Variants in LRRC7 observed in about 807,000 individuals in gnomAD.
LRRC7 encodes the protein leucine-rich repeat-containing protein 7.
LRRC7 carries 23 observed loss-of-function variants against 175.7 expected under a neutral mutation model. That is an observed-to-expected ratio of 0.13 (90% confidence interval 0.09 to 0.19). LRRC7 has a LOEUF of 0.19. Among genes scored for constraint, LRRC7 ranks in the 10% least tolerant of loss-of-function variants. The pLI is 1.00. For missense variants in LRRC7, 1,354 were observed against 1,904.7 expected, an observed-to-expected ratio of 0.71 and a Z score of 5.38; for synonymous variants, 685 against 680.9, an observed-to-expected ratio of 1.01 and a Z score of -0.09.
rs1557463083 is a variant in LRRC7 at position 69,600,796 on chromosome 1, G to GTTCTTTTTTT, written c.2+32157_2+32158insCTTTTTTTTT. ...TTAGCCATTTCTCCAAGGATCTCTG[G>GTTCTTTTTTT]TTTCTTTTTTTTTTTTTTTTTTTTT... is the stretch of plus-strand genomic sequence containing the variant. On this transcript the variant is annotated intron_variant, in intron 1 of 26. Coordinates refer to ENST00000651989, the MANE Select transcript of LRRC7 (RefSeq NM_001370785.2). Among the ~76,000 whole-genome samples, 4 of 26,360 alleles carry GTTCTTTTTTT rather than the reference G, an allele frequency of 1.5e-4. 1 individual carries two copies. The highest frequency in any genetic ancestry group is 1.8e-4 in the African/African-American group (1 of 5,462). 17.3% of individuals were successfully genotyped at this position (26,360 alleles called of 152,430 possible).
intron 11 of LRRC7, among the ~76,000 whole-genome samples, chr1:70,010,284 G>A (rs1656383413): frequency 6.6e-6 from 1 of 152,220 alleles, no homozygotes; most frequent in Admixed American, 6.5e-5. Flanking sequence ...AAAGGATGCT[G>A]ACCAGGCACA....
intron 5 of LRRC7, among the ~76,000 whole-genome samples, chr1:69,826,613 T>C (rs1227750810): frequency 6.6e-6 from 1 of 152,070 alleles, no homozygotes; most frequent in African/African-American, 2.4e-5. Context: ...GAGGTTGAAA[T>C]AAGTCAGTTG....
At chr1:69,828,066 A>G (rs1473889320) in intron 5 of LRRC7, among the ~76,000 whole-genome samples, 2 of 152,054 alleles carry the variant, frequency 1.3e-5, no homozygotes, top group African/African-American at 4.8e-5. Flanking sequence ...ACTTAACATA[A>G]TGATTTTGAA....
At chr1:69,660,860 C>G (rs775470411) in intron 1 of LRRC7, among the ~76,000 whole-genome samples, 2 of 151,904 alleles carry the variant, frequency 1.3e-5, no homozygotes, top group Non-Finnish European at 2.9e-5. Flanking sequence ...TTAAAAGGAC[C>G]CTCTGGATGT....
chr1:69,964,011 C>T (rs1414305247), intron 8 of LRRC7, among the ~76,000 whole-genome samples: 2 of 152,124 alleles, frequency 1.3e-5, no homozygotes, highest in East Asian at 3.9e-4. Context: ...CTAAGGCCTC[C>T]TGCTTAGGTA....
At chr1:69,883,063 A>G (rs367831734) in intron 7 of LRRC7, among the ~76,000 whole-genome samples, 3 of 152,092 alleles carry the variant, frequency 2.0e-5, no homozygotes, top group Middle Eastern at 3.4e-3. Context: ...GAATAATGCC[A>G]CAATAAACAT....
chr1:69,833,287 T>A (rs563906516), intron 5 of LRRC7, among the ~76,000 whole-genome samples: 1 of 152,268 alleles, frequency 6.6e-6, no homozygotes, highest in Non-Finnish European at 1.5e-5. Context: ...TTGATTTATA[T>A]AATGTTCAAA....
intron 11 of LRRC7, among the ~76,000 whole-genome samples, chr1:70,006,660 A>T (rs1656021370): frequency 6.6e-6 from 1 of 152,016 alleles, no homozygotes; most frequent in South Asian, 2.1e-4. Flanking sequence ...ACCTACCTGA[A>T]GTTAGAATCA....
Position 69,838,370 on chromosome 1 carries a change from G to C in LRRC7, c.647+87G>C, listed in dbSNP as rs886326483. 28 of 1,095,134 alleles carry C rather than the reference G, an allele frequency of 2.6e-5. No individual in the cohort carries two copies. The African/African-American group carries it at 3.4e-4, about 13-fold the overall frequency. 67.8% of individuals were successfully genotyped at this position (1,095,134 alleles called of 1,614,324 possible). A position where few individuals can be genotyped will look rare whatever the true frequency, so the allele number is the denominator to read the frequency against. On this transcript the variant is annotated intron_variant, in intron 7 of 26. Coordinates refer to ENST00000651989, the MANE Select transcript of LRRC7 (RefSeq NM_001370785.2). Reference sequence around the variant, plus strand: ...ACTACTTTTATTTTGTCTGTGTTTTGGCACTTTGAGTTAATTTATCTACAC... The same window carrying C: ...ACTACTTTTATTTTGTCTGTGTTTTCGCACTTTGAGTTAATTTATCTACAC...
rs1019493401 is a variant in LRRC7, at chr1:69,925,926, T to C, written c.648-5581T>C. ...AATTTTGGATCTTTCCTGCTTTGTC[T>C]TGTGGGCATTTAGTGCTATAAATTT... On this transcript the variant is annotated intron_variant, in intron 7 of 26. Coordinates refer to ENST00000651989, the MANE Select transcript of LRRC7 (RefSeq NM_001370785.2). Among the ~76,000 whole-genome samples, 178 of 146,484 alleles carry C rather than the reference T, an allele frequency of 1.2e-3. 3 individuals are homozygous for C. The highest frequency in any genetic ancestry group is 1.3e-3 in the Non-Finnish European group (87 of 65,742).
At chr1:69,673,807 G>A (rs1409576570) in intron 1 of LRRC7, among the ~76,000 whole-genome samples, 1 of 151,918 alleles carries the variant, frequency 6.6e-6, no homozygotes, top group Non-Finnish European at 1.5e-5. Context: ...TCACCTATTT[G>A]TGTATCGTTC....
intron 4 of LRRC7, among the ~76,000 whole-genome samples, chr1:69,809,135 A>G (rs1677504255): frequency 6.6e-6 from 1 of 152,194 alleles, no homozygotes; most frequent in Non-Finnish European, 1.5e-5. Context: ...ATCAGAGAAT[A>G]CTATAAACAC....
chr1:69,733,648 A>G (rs1299973692), intron 2 of LRRC7, among the ~76,000 whole-genome samples: 2 of 152,008 alleles, frequency 1.3e-5, no homozygotes, highest in African/African-American at 4.8e-5. Context: ...TTGGTGCTCT[A>G]TGTCATGCCC....
chr1:69,896,302 A>C (rs2101655617), intron 7 of LRRC7, among the ~76,000 whole-genome samples: 1 of 152,260 alleles, frequency 6.6e-6, no homozygotes, highest in East Asian at 1.9e-4. Flanking sequence ...TATGCTGGAA[A>C]CATTCAAATT....
intron 4 of LRRC7, among the ~76,000 whole-genome samples, chr1:69,810,068 G>A (rs541762012): frequency 6.6e-6 from 1 of 152,292 alleles, no homozygotes; most frequent in South Asian, 2.1e-4. Context: ...AGCAACTTCA[G>A]CAAAGTCTCA....
intron 1 of LRRC7, among the ~76,000 whole-genome samples, chr1:69,597,127 A>G (rs923143775): frequency 6.6e-6 from 1 of 152,220 alleles, no homozygotes; most frequent in African/African-American, 2.4e-5. Flanking sequence ...TCAAATAAAA[A>G]TAAGTCTATA....
intron 25 of LRRC7, among the ~76,000 whole-genome samples, chr1:70,103,093 G>T (rs1242249279): frequency 2.0e-5 from 3 of 152,024 alleles, no homozygotes; most frequent in Non-Finnish European, 2.9e-5. Context: ...GCCAGGTGTG[G>T]TAGCACATGC....
chr1:69,881,050 A>G (rs1253623028), intron 7 of LRRC7, among the ~76,000 whole-genome samples: 1 of 152,194 alleles, frequency 6.6e-6, no homozygotes, highest in Non-Finnish European at 1.5e-5. Context: ...ACATGTGCAC[A>G]TGGGACTTTG....
intron 25 of LRRC7, among the ~76,000 whole-genome samples, chr1:70,107,270 C>G (rs975955978): frequency 6.6e-6 from 1 of 152,082 alleles, no homozygotes; most frequent in African/African-American, 2.4e-5. Flanking sequence ...ACATATGAAA[C>G]AATATGCATT....
Sources: gnomAD v4.1 joint callset for allele counts (sites outside exome capture counted in the v4.1 genomes callset) on GRCh38, gnomAD v4.1.1 for gene constraint, MANE v1.5 for transcripts, NCBI Gene and HGNC (gene_info 2026-07-23, HGNC 2026-07-21) for gene names.